The following PLA1A variants were observed in gnomAD, a reference collection of about 807,000 sequenced individuals.
PLA1A encodes the protein phospholipase A1 member A.
A neutral mutation model predicts 49.4 loss-of-function variants in PLA1A; 47 were observed. The observed-to-expected ratio is 0.95, with a 90% CI of 0.75 to 1.21. The LOEUF (loss-of-function observed/expected upper bound fraction) is 1.21. Ranked by LOEUF, PLA1A falls within the 50% of genes most tolerant of loss-of-function variation. PLA1A has a pLI of 0.00. For synonymous variants in PLA1A, 224 were observed against 207.9 expected, an observed-to-expected ratio of 1.08 and a Z score of -0.67; for missense variants, 561 against 563.9, an observed-to-expected ratio of 0.99 and a Z score of 0.05.
intron 6 of PLA1A, among the ~76,000 whole-genome samples, chr3:119,616,568 A>T (rs772775520): frequency 6.6e-6 from 1 of 152,260 alleles, no homozygotes. Context: ...GTCAAAATCT[A>T]AGGTCAATAA....
At chr3:119,618,753 T>C (rs535558742) in intron 7 of PLA1A, among the ~76,000 whole-genome samples, 2 of 151,992 alleles carry the variant, frequency 1.3e-5, no homozygotes, top group African/African-American at 4.8e-5. Context: ...GCATATCCCG[T>C]GGTTATCCAG....
At chr3:119,629,190 C>A (rs999811394) in intron 10 of PLA1A, among the ~76,000 whole-genome samples, 194 bp from the exon 11 acceptor site, 13 of 152,106 alleles carry the variant, frequency 8.5e-5, no homozygotes, top group Non-Finnish European at 1.2e-4. Context: ...GAATCCACAT[C>A]CCCTTTCCCT....
At chr3:119,624,633 TA>T (rs1258144750) in intron 8 of PLA1A, among the ~76,000 whole-genome samples, 1 of 151,426 alleles carries the variant, frequency 6.6e-6, no homozygotes, top group Non-Finnish European at 1.5e-5. Context: ...CTAGGGTATC[TA>T]TTTTTTTTTT....
chr3:119,602,716 A>G (rs2688638), intron 1 of PLA1A, among the ~76,000 whole-genome samples: 8 of 151,934 alleles, frequency 5.3e-5, no homozygotes, highest in Non-Finnish European at 1.0e-4. Flanking sequence ...CACTAATAGA[A>G]AATAAGTATA....
chr3:119,625,866 C>T (rs2052527697), intron 9 of PLA1A, among the ~76,000 whole-genome samples: 1 of 152,142 alleles, frequency 6.6e-6, no homozygotes, highest in Non-Finnish European at 1.5e-5. Context: ...CTGTAGGGAG[C>T]CACAGCCTGC....
At chr3:119,610,743 T>C (rs1345233290) in intron 4 of PLA1A, among the ~76,000 whole-genome samples, 2 of 152,246 alleles carry the variant, frequency 1.3e-5, no homozygotes, top group South Asian at 2.1e-4. Flanking sequence ...TGTGAATATT[T>C]TCCCCCATTC....
Position 119,628,871 on chromosome 3 carries a change from C to G in PLA1A, c.1286+6C>G, listed in dbSNP as rs758741624. ...CTTTTGCCTGTCAATGACAGGTAAGCCCCAGTATTCACCTCTGCACCAGAT... is the reference window on the plus strand; with the variant it reads ...CTTTTGCCTGTCAATGACAGGTAAGGCCCAGTATTCACCTCTGCACCAGAT... On this transcript the variant is annotated splice_donor_region_variant and intron_variant, in intron 10 of 10. Transcript: ENST00000273371. 7 of 1,608,988 alleles carry G rather than the reference C, an allele frequency of 4.4e-6. No individual in the cohort carries two copies. Among genetic ancestry groups the G allele is most frequent in the Non-Finnish European group, 6.0e-6 (7 of 1,175,520 alleles).
At chr3:119,622,796 T>A (rs2082963057) in intron 8 of PLA1A, among the ~76,000 whole-genome samples, 1 of 151,468 alleles carries the variant, frequency 6.6e-6, no homozygotes, top group African/African-American at 2.4e-5. Flanking sequence ...AAAAGGACAG[T>A]GTGTTAGGGA....
chr3:119,621,090 T>C (rs3755583), intron 8 of PLA1A, among the ~76,000 whole-genome samples: 77,802 of 152,004 alleles, frequency 0.51, 20,446 homozygotes, highest in East Asian at 0.89. Context: ...GGAGGTGGTG[T>C]TGCCAGGACC....
chr3:119,614,740 C>G (rs1344771543), intron 5 of PLA1A, among the ~76,000 whole-genome samples: 1 of 136,810 alleles, frequency 7.3e-6, no homozygotes, highest in Non-Finnish European at 1.5e-5. Context: ...CCTGATGTGA[C>G]TTAAAAAAAA....
intron 5 of PLA1A, among the ~76,000 whole-genome samples, chr3:119,615,736 G>A (rs956606955): frequency 2.6e-5 from 4 of 152,006 alleles, no homozygotes; most frequent in African/African-American, 4.8e-5. Flanking sequence ...GCTTGAATCC[G>A]GGAGGCGGAG....
intron 6 of PLA1A, among the ~76,000 whole-genome samples, chr3:119,616,479 T>C (rs1428146429): frequency 6.6e-6 from 1 of 152,244 alleles, no homozygotes; most frequent in African/African-American, 2.4e-5. Flanking sequence ...TCAATGACTG[T>C]ACATTTCCTC....
chr3:119,604,186 G>T (rs1005366255), intron 1 of PLA1A, among the ~76,000 whole-genome samples: 2 of 152,136 alleles, frequency 1.3e-5, no homozygotes, highest in African/African-American at 4.8e-5. Flanking sequence ...TGGAGAATAC[G>T]ATGGAGGCTC....
Position 119,628,810 on chromosome 3 carries a change from G to T in PLA1A, c.1231G>T (p.Asp411Tyr). 1 of 1,614,122 alleles carries T rather than the reference G, an allele frequency of 6.2e-7. No homozygotes were observed. Among genetic ancestry groups the T allele is most frequent in the Non-Finnish European group, 8.5e-7 (1 of 1,179,976 alleles). Reference sequence around the variant, plus strand: ...GTCTTCCAACCGAGTTTGGAAAAAAGACCGGACTACCATTATTGGGAAGTT... The same window carrying T: ...GTCTTCCAACCGAGTTTGGAAAAAATACCGGACTACCATTATTGGGAAGTT... Reference protein sequence around the residue: ...FQSSNRVWKKDRTTIIGKFCT... With the variant: ...FQSSNRVWKKYRTTIIGKFCT... The change falls in exon 10 of 11, where the codon GAC becomes TAC. Residue 411 changes from aspartate to tyrosine, a missense_variant. By Grantham distance (160) the Asp-to-Tyr change is radical. Transcript: ENST00000273371.
rs377707586 is a variant in PLA1A, at chr3:119,604,349, C to A, written c.74-2425C>A. 2.4e-3 allele frequency among the ~76,000 whole-genome samples: 360 copies of A among 151,972 alleles called. 3 individuals are homozygous for A. The highest frequency in any genetic ancestry group is 8.1e-3 in the African/African-American group (336 of 41,436). On this transcript the variant is annotated intron_variant, in intron 1 of 10. Coordinates refer to ENST00000273371, the MANE Select transcript of PLA1A (RefSeq NM_015900.4). ...GTTCACAATAGCCAAGATATAGAAC[C>A]AACCTAAGAGCCCATCAACTAATGA...
At chr3:119,607,836 T>C (rs1382160075) in intron 2 of PLA1A, among the ~76,000 whole-genome samples, 2 of 152,192 alleles carry the variant, frequency 1.3e-5, no homozygotes, top group African/African-American at 2.4e-5. Context: ...AGGCACTCTG[T>C]CTGCTCTTAA....
intron 8 of PLA1A, among the ~76,000 whole-genome samples, chr3:119,623,304 C>T (rs1311155002): frequency 6.6e-6 from 1 of 152,064 alleles, no homozygotes; most frequent in Non-Finnish European, 1.5e-5. Flanking sequence ...ACATGCCCAA[C>T]TAATTTTTTG....
At chr3:119,619,486 T>C in intron 7 of PLA1A, 77 bp from the exon 8 acceptor site, 4 of 935,318 alleles carry the variant, frequency 4.3e-6, no homozygotes, top group South Asian at 3.9e-5. Flanking sequence ...CATGAATTAA[T>C]AAACACGTGG....
At chr3:119,601,333 C>A (rs1007367975) in intron 1 of PLA1A, among the ~76,000 whole-genome samples, 4 of 152,164 alleles carry the variant, frequency 2.6e-5, no homozygotes, top group Non-Finnish European at 4.4e-5. Flanking sequence ...GCAGCCCAGG[C>A]GGGTGAAGGG....
Sources: gnomAD v4.1 joint callset for allele counts (sites outside exome capture counted in the v4.1 genomes callset) on GRCh38, gnomAD v4.1.1 for gene constraint, MANE v1.5 for transcripts, NCBI Gene and HGNC (gene_info 2026-07-23, HGNC 2026-07-21) for gene names.